Variants in MTFR1 observed in about 807,000 individuals in gnomAD.
The protein encoded by MTFR1 is mitochondrial fission regulator 1, also known as chondrocyte protein with a poly-proline region.
In MTFR1, 28 loss-of-function variants were observed where a neutral mutation model predicts 38.8. The observed-to-expected ratio is 0.72, with a 90% confidence interval of 0.53 to 0.99. The LOEUF (loss-of-function observed/expected upper bound fraction) is 0.99, where lower values mean the gene tolerates loss of function less well. Ranked by LOEUF, MTFR1 falls within the 50% of genes least tolerant of loss-of-function variation. The pLI, the probability that MTFR1 is intolerant of heterozygous loss-of-function variation, is 0.00. For synonymous variants in MTFR1, 145 were observed against 137.0 expected (o/e 1.06, Z -0.41); for missense variants, 358 against 395.5 (o/e 0.91, Z 0.81).
intron 1 of MTFR1, among the ~76,000 whole-genome samples, chr8:65,650,347 A>G (rs1006071562): frequency 6.8e-6 from 1 of 146,908 alleles, no homozygotes; most frequent in Non-Finnish European, 1.5e-5. Flanking sequence ...AATTTTTTGT[A>G]TTTTTAGTAG....
rs1377063247 is a variant in MTFR1 at position 65,655,951 on chromosome 8, A to ATATATATATATATATGTATAT, written c.-81+11167_-81+11168insTATATATATATATATGTATAT. 1.2e-3 allele frequency among the ~76,000 whole-genome samples: 67 copies of ATATATATATATATATGTATAT among 55,354 alleles called. 2 individuals are homozygous for ATATATATATATATATGTATAT. Among genetic ancestry groups the ATATATATATATATATGTATAT allele is most frequent in the East Asian group, 3.0e-3 (10 of 3,282 alleles). The allele number at this position is 55,354 out of a possible 152,430, so 36.3% of individuals were successfully genotyped here. A position where few individuals can be genotyped will look rare whatever the true frequency, so the allele number is the denominator to read the frequency against. ...AGCAAGACTCTGTCTTAAAAAAAAA[A>ATATATATATATATATGTATAT]ATATATATATATATATACCATATAT... is the stretch of plus-strand genomic sequence containing the variant. On this transcript the variant is annotated intron_variant, in intron 1 of 7. Transcript: ENST00000262146.
At chr8:65,741,108 C>G (rs1585854176) in intron 3 of MTFR1, among the ~76,000 whole-genome samples, 1 of 151,982 alleles carries the variant, frequency 6.6e-6, no homozygotes, top group African/African-American at 2.4e-5. Context: ...TTTTTTATAC[C>G]TCCTATTATA....
chr8:65,715,914 G>A (rs989658075), intron 2 of MTFR1, among the ~76,000 whole-genome samples: 12 of 145,756 alleles, frequency 8.2e-5, no homozygotes, highest in African/African-American at 2.8e-4. Context: ...GGAGAATGGC[G>A]TGAACCCGGG....
intron 4 of MTFR1, among the ~76,000 whole-genome samples, chr8:65,701,599 C>A (rs926527420): frequency 6.6e-6 from 1 of 152,140 alleles, no homozygotes; most frequent in African/African-American, 2.4e-5. Context: ...TTTTCCTTAT[C>A]CTAGGATGCT....
At chr8:65,655,955 T>TATATATATATAC (rs1809247875) in intron 1 of MTFR1, among the ~76,000 whole-genome samples, 1 of 32,866 alleles carries the variant, frequency 3.0e-5, no homozygotes, top group African/African-American at 1.9e-4. Flanking sequence ...AAAAAAAATA[T>TATATATATATAC]ATATATATAT....
At chr8:65,738,461 C>T (rs560201179) in intron 3 of MTFR1, among the ~76,000 whole-genome samples, 2 of 152,322 alleles carry the variant, frequency 1.3e-5, no homozygotes, top group South Asian at 4.1e-4. Context: ...TACCAGGAAT[C>T]ATGAATTCCT....
At chr8:65,758,071 CTG>C (rs1808319609) in intron 3 of MTFR1, among the ~76,000 whole-genome samples, 1 of 152,204 alleles carries the variant, frequency 6.6e-6, no homozygotes, top group South Asian at 2.1e-4. Context: ...AGTTTGGTCT[CTG>C]TGCTAGTCCA....
At chr8:65,680,716 T>C (rs976667993) in intron 2 of MTFR1, among the ~76,000 whole-genome samples, 7 of 152,134 alleles carry the variant, frequency 4.6e-5, no homozygotes, top group African/African-American at 1.7e-4. Context: ...AGTGGTAGTA[T>C]CCATTTCTCC....
chr8:65,690,766 T>C (rs1189815658), intron 3 of MTFR1, among the ~76,000 whole-genome samples: 1 of 152,168 alleles, frequency 6.6e-6, no homozygotes, highest in Non-Finnish European at 1.5e-5. Flanking sequence ...ATTGATCATC[T>C]CATGAAATAG....
At chr8:65,768,115 GT>G (rs1316347221) in intron 3 of MTFR1, among the ~76,000 whole-genome samples, 1 of 152,176 alleles carries the variant, frequency 6.6e-6, no homozygotes, top group Admixed American at 6.5e-5. Context: ...CACACATTTG[GT>G]CACAGAAGTC....
intron 2 of MTFR1, chr8:65,719,064 C>T (rs1166240706): frequency 1.1e-5 from 6 of 560,040 alleles, no homozygotes; most frequent in African/African-American, 1.9e-5. Flanking sequence ...TTTGCATATT[C>T]AAGGTTTCAC....
chr8:65,759,716 G>T (rs1057510462), intron 3 of MTFR1, among the ~76,000 whole-genome samples: 1 of 151,976 alleles, frequency 6.6e-6, no homozygotes, highest in Non-Finnish European at 1.5e-5. Flanking sequence ...TTTAAAGGGG[G>T]TTTTTCCTAA....
At chr8:65,740,277 G>A (rs1350492587) in intron 3 of MTFR1, among the ~76,000 whole-genome samples, 9 of 152,074 alleles carry the variant, frequency 5.9e-5, no homozygotes, top group Admixed American at 3.9e-4. Context: ...GCTCTTTCAC[G>A]TTTTAAAATG....
At chr8:65,762,654 C>CTA (rs1808563286) in intron 3 of MTFR1, among the ~76,000 whole-genome samples, 2 of 152,182 alleles carry the variant, frequency 1.3e-5, no homozygotes. Context: ...AGAAAAAGCA[C>CTA]TTAAAATTAA....
intron 3 of MTFR1, chr8:65,682,874 G>A (rs1049101253): frequency 1.2e-5 from 12 of 985,034 alleles, no homozygotes; most frequent in African/African-American, 3.5e-5. Context: ...GTTGCTTTCC[G>A]TCATTGGTTT....
intron 1 of MTFR1, among the ~76,000 whole-genome samples, chr8:65,665,874 C>T (rs936352100): frequency 7.2e-5 from 11 of 151,888 alleles, no homozygotes; most frequent in African/African-American, 2.7e-4. Context: ...TAGCATTAAC[C>T]TACTTTTTTA....
intron 3 of MTFR1, chr8:65,735,002 G>A (rs144561326): frequency 1.4e-4 from 97 of 717,010 alleles, no homozygotes; most frequent in African/African-American, 1.3e-3. Context: ...TGTAGCTATC[G>A]GCTAAAATCG....
chr8:65,669,629 G>A (rs34951351), intron 1 of MTFR1, among the ~76,000 whole-genome samples: 9 of 151,422 alleles, frequency 5.9e-5, no homozygotes, highest in African/African-American at 2.2e-4. Flanking sequence ...TTGGCTCACC[G>A]CAACCTCCGC....
the MTFR1 span, among the ~76,000 whole-genome samples, chr8:65,778,149 C>T: frequency 6.6e-6 from 1 of 152,226 alleles, no homozygotes; most frequent in Non-Finnish European, 1.5e-5. Context: ...TGACCCTGAG[C>T]AAGCTGTGTG....
Sources: gnomAD v4.1 joint callset for allele counts (sites outside exome capture counted in the v4.1 genomes callset) on GRCh38, gnomAD v4.1.1 for gene constraint, MANE v1.5 for transcripts, NCBI Gene and HGNC (gene_info 2026-07-23, HGNC 2026-07-21) for gene names.